The following PRKG1 variants were observed in gnomAD, a reference collection of about 807,000 sequenced individuals.
The protein encoded by PRKG1 is cGMP-dependent protein kinase 1.
A neutral mutation model predicts 88.1 loss-of-function variants in PRKG1; 35 were observed. That is an observed-to-expected ratio of 0.40 (90% CI 0.30 to 0.53). PRKG1 has a LOEUF of 0.53. Ranked by LOEUF, PRKG1 falls within the 20% of genes least tolerant of loss-of-function variation. PRKG1 has a pLI of 0.59. For synonymous variants in PRKG1, 303 were observed against 292.5 expected, an observed-to-expected ratio of 1.04 and a Z score of -0.37; for missense variants, 540 against 839.8, an observed-to-expected ratio of 0.64 and a Z score of 4.41.
chr10:51,201,376 T>C (rs2132056233), intron 2 of PRKG1, among the ~76,000 whole-genome samples: 1 of 152,160 alleles, frequency 6.6e-6, no homozygotes, highest in South Asian at 2.1e-4. Context: ...CACTTGAACC[T>C]GGGTGGCGGA....
intron 2 of PRKG1, among the ~76,000 whole-genome samples, chr10:51,389,344 G>A (rs1043685469): frequency 2.0e-5 from 3 of 152,052 alleles, no homozygotes; most frequent in East Asian, 3.9e-4. Flanking sequence ...GAATAAAAGC[G>A]GTCAGTCCTG....
intron 9 of PRKG1, among the ~76,000 whole-genome samples, chr10:52,207,263 G>A (rs1325364541): frequency 1.3e-5 from 2 of 152,122 alleles, no homozygotes; most frequent in Non-Finnish European, 2.9e-5. Context: ...TGTGTGGAGA[G>A]GCTGTATGCA....
At chr10:52,223,173 T>C (rs1470128776) in intron 9 of PRKG1, among the ~76,000 whole-genome samples, 1 of 152,176 alleles carries the variant, frequency 6.6e-6, no homozygotes, top group Non-Finnish European at 1.5e-5. Flanking sequence ...AATCCAGTTC[T>C]TTGTTCCCAT....
At chr10:51,887,836 C>T (rs1382733983) in intron 4 of PRKG1, among the ~76,000 whole-genome samples, 1 of 152,036 alleles carries the variant, frequency 6.6e-6, no homozygotes, top group African/African-American at 2.4e-5. Flanking sequence ...TTATATTGGA[C>T]ATTAATCTCT....
chr10:51,595,993 G>T (rs2087265302), intron 3 of PRKG1, among the ~76,000 whole-genome samples: 1 of 151,978 alleles, frequency 6.6e-6, no homozygotes, highest in Non-Finnish European at 1.5e-5. Flanking sequence ...ACCATGCCCG[G>T]CTAATTTTTG....
Position 51,634,890 on chromosome 10 carries a change from G to T in PRKG1, c.592+167054G>T, listed in dbSNP as rs528189653. 3.5e-4 allele frequency among the ~76,000 whole-genome samples: 54 copies of T among 152,182 alleles called. No homozygotes were observed. The Middle Eastern group carries it at 0.014, about 38-fold the overall frequency. ...CACTTGTAAGTGGGAGCTAAACATT[G>T]AATTCACATGGACACAAAGAAGAGA... On this transcript the variant is annotated intron_variant, in intron 3 of 17. Transcript: ENST00000373980.
chr10:52,229,657 T>C (rs1589717413), intron 9 of PRKG1, among the ~76,000 whole-genome samples: 1 of 152,272 alleles, frequency 6.6e-6, no homozygotes, highest in South Asian at 2.1e-4. Context: ...GTTGCCTGAT[T>C]CTGTATCTAT....
intron 5 of PRKG1, among the ~76,000 whole-genome samples, chr10:52,024,940 C>A (rs1190614923): frequency 6.6e-6 from 1 of 152,120 alleles, no homozygotes; most frequent in Non-Finnish European, 1.5e-5. Context: ...GTTTACAATC[C>A]CACCAACAGT....
chr10:52,002,452 TC>T (rs1320241227), intron 5 of PRKG1, among the ~76,000 whole-genome samples: 4 of 152,172 alleles, frequency 2.6e-5, no homozygotes, highest in Admixed American at 2.6e-4. Context: ...CTTCATTTCT[TC>T]CTTTTTTCTT....
chr10:51,364,230 G>A (rs1255422653), intron 2 of PRKG1, among the ~76,000 whole-genome samples: 3 of 151,946 alleles, frequency 2.0e-5, no homozygotes, highest in African/African-American at 7.2e-5. Flanking sequence ...TCCACTCTAT[G>A]GTTAGCTTTT....
chr10:51,585,792 G>A (rs987776386), intron 3 of PRKG1, among the ~76,000 whole-genome samples: 11 of 152,166 alleles, frequency 7.2e-5, no homozygotes, highest in African/African-American at 2.7e-4. Context: ...ACAGCTATAA[G>A]AAGGAGTGAA....
intron 3 of PRKG1, among the ~76,000 whole-genome samples, chr10:51,705,570 C>T (rs966338106): frequency 9.9e-5 from 15 of 152,134 alleles, no homozygotes; most frequent in African/African-American, 3.4e-4. Flanking sequence ...AGAACTTTAC[C>T]TAACAATGGA....
chr10:51,176,597 A>G (rs1360342339), intron 2 of PRKG1, among the ~76,000 whole-genome samples: 5 of 152,210 alleles, frequency 3.3e-5, no homozygotes. Context: ...AAAGATGGAA[A>G]GAAACACTTA....
intron 9 of PRKG1, among the ~76,000 whole-genome samples, chr10:52,224,835 A>ATATATATATATATC (rs1840349657): frequency 7.1e-6 from 1 of 141,480 alleles, no homozygotes; most frequent in African/African-American, 2.6e-5. Context: ...ATATATATAT[A>ATATATATATATATC]TATACATACA....
intron 3 of PRKG1, among the ~76,000 whole-genome samples, chr10:51,631,722 C>A (rs1011147137): frequency 6.6e-5 from 10 of 152,182 alleles, no homozygotes; most frequent in African/African-American, 2.4e-4. Context: ...TTCACAATAG[C>A]GTTCGCGCTC....
intron 3 of PRKG1, among the ~76,000 whole-genome samples, chr10:51,705,187 G>A (rs991832072): frequency 1.4e-4 from 21 of 151,786 alleles, no homozygotes; most frequent in African/African-American, 5.1e-4. Flanking sequence ...CCTCCCCCAT[G>A]TTTAAATCTT....
At chr10:51,984,787 G>A (rs188502725) in intron 5 of PRKG1, among the ~76,000 whole-genome samples, 65 of 152,126 alleles carry the variant, frequency 4.3e-4, no homozygotes, top group Admixed American at 1.1e-3. Context: ...GGGCCTAATC[G>A]TTCTAAATGA....
chr10:51,387,961 A>C (rs1204475503), intron 2 of PRKG1, among the ~76,000 whole-genome samples: 1 of 152,166 alleles, frequency 6.6e-6, no homozygotes, highest in Non-Finnish European at 1.5e-5. Context: ...TACTATCTAA[A>C]TTAAGAATGT....
At chr10:52,131,327 A>C (rs1168942925) in intron 7 of PRKG1, among the ~76,000 whole-genome samples, 1 of 152,188 alleles carries the variant, frequency 6.6e-6, no homozygotes, top group Non-Finnish European at 1.5e-5. Context: ...AATATAAATT[A>C]CAAATGGTGA....
Sources: gnomAD v4.1 joint callset for allele counts (sites outside exome capture counted in the v4.1 genomes callset) on GRCh38, gnomAD v4.1.1 for gene constraint, MANE v1.5 for transcripts, NCBI Gene and HGNC (gene_info 2026-07-23, HGNC 2026-07-21) for gene names.